ZDHHC1: variants seen among roughly 807,000 people sequenced by gnomAD.
The protein encoded by ZDHHC1 is palmitoyltransferase ZDHHC1.
ZDHHC1 carries 45 observed loss-of-function variants against 46.9 expected under a neutral mutation model. The ratio of observed to expected loss-of-function variants is 0.96; its 90% CI spans 0.76 to 1.23. The LOEUF is 1.23. ZDHHC1 is among the 50% of genes most tolerant of loss of function. The pLI is 0.00. For synonymous variants in ZDHHC1, 291 were observed against 286.0 expected (o/e 1.02, Z -0.18); for missense variants, 649 against 670.8 (o/e 0.97, Z 0.36).
At chr16:67,398,400 C>T in intron 7 of ZDHHC1, 76 bp from the exon 8 acceptor site, 1 of 1,542,486 alleles carries the variant, frequency 6.5e-7, no homozygotes, top group Non-Finnish European at 8.8e-7. Context: ...GGACAACCAG[C>T]CCCAGGCTGA....
intron 3 of ZDHHC1, chr16:67,404,800 G>C: frequency 4.5e-6 from 2 of 445,012 alleles, no homozygotes. Flanking sequence ...GCTGACGCAG[G>C]GCCTGGCACA....
In ZDHHC1 at chr16:67,398,332, G is replaced by C. The variant is rs776791471; in HGVS notation, c.815-8C>G. On this transcript the variant is annotated splice_polypyrimidine_tract_variant and splice_region_variant and intron_variant, in intron 7 of 11. Transcript: ENST00000565726. ...TGGTGAGCTTGTGCCACACTGGTGG[G>C]GGGAGGAGAGGGCTCAGTGCGGTGG... 4 of 1,611,224 alleles carry C rather than the reference G, an allele frequency of 2.5e-6. No individual in the cohort carries two copies. In the Admixed American group the frequency reaches 6.7e-5, roughly 27 times the overall value.
chr16:67,398,763 G>T, intron 6 of ZDHHC1, 32 bp from the exon 7 acceptor site: 1 of 1,611,744 alleles, frequency 6.2e-7, no homozygotes, highest in South Asian at 1.1e-5. Flanking sequence ...TGCTCAGCCG[G>T]GGACGTGACG....
chr16:67,400,743 C>T (rs1162458785), intron 4 of ZDHHC1, among the ~76,000 whole-genome samples: 2 of 152,212 alleles, frequency 1.3e-5, no homozygotes, highest in Non-Finnish European at 2.9e-5. Context: ...AATGTTTCCT[C>T]CTTTAACTGC....
intron 11 of ZDHHC1, 30 bp from the exon 12 acceptor site, chr16:67,394,923 T>G: frequency 6.4e-7 from 1 of 1,565,398 alleles, no homozygotes; most frequent in Non-Finnish European, 8.7e-7. Context: ...ATGAGCCCAG[T>G]GGCTGCGGCT....
intron 4 of ZDHHC1, 90 bp from the exon 5 acceptor site, chr16:67,399,546 G>A (rs922978734): frequency 8.4e-6 from 9 of 1,076,742 alleles, no homozygotes; most frequent in East Asian, 5.5e-5. Context: ...GGTCTGTGGA[G>A]GGACCAAGCG....
At chr16:67,405,220 T>C (rs535779639) in intron 3 of ZDHHC1, among the ~76,000 whole-genome samples, 129 of 152,328 alleles carry the variant, frequency 8.5e-4, no homozygotes, top group African/African-American at 3.0e-3. Context: ...TAAAAGAGCA[T>C]GTTCACATTT....
chr16:67,409,028 A>T (rs893231501), intron 1 of ZDHHC1, among the ~76,000 whole-genome samples: 1 of 152,126 alleles, frequency 6.6e-6, no homozygotes, highest in Non-Finnish European at 1.5e-5. Flanking sequence ...CCAAACCTGA[A>T]CAACCCTACA....
chr16:67,395,258 G>C lies in ZDHHC1; in HGVS notation c.1033C>G (p.Arg345Gly), dbSNP rs776021982. Residue 345 changes from arginine to glycine, a missense_variant, in exon 10 of 12, where the codon CGT (arginine) becomes GGT (glycine). Arg to Gly is a moderately radical substitution (Grantham distance 125). Coordinates refer to ENST00000565726, the MANE Select transcript of ZDHHC1 (RefSeq NM_001323627.2). ...GGTGGTGGAGGTTCCGCTTGGCCACGGGTGGCAAGAAACTGGGAGGGACTG... is the reference window on the plus strand; with the variant it reads ...GGTGGTGGAGGTTCCGCTTGGCCACCGGTGGCAAGAAACTGGGAGGGACTG... ...NANPSQFLAT[R>G]GQAEPPPPSS... The C allele has an allele frequency of 6.3e-7, 1 of 1,577,446 alleles. No individual in the cohort carries two copies.
Position 67,398,640 on chromosome 16 carries a change from C to T in ZDHHC1, c.747G>A (p.Leu249=). 6.2e-7 allele frequency: 1 copy of T among 1,606,220 alleles called. No individual in the cohort carries two copies. Among genetic ancestry groups the T allele is most frequent in the Non-Finnish European group, 8.5e-7 (1 of 1,177,188 alleles). The change falls in exon 7 of 12, where the codon CTG becomes CTA. Residue 249 remains leucine (L), a synonymous_variant. Coordinates refer to ENST00000565726, the MANE Select transcript of ZDHHC1 (RefSeq NM_001323627.2). ...TGGACAGGAGGCCCAGAAGGATGAG[C>T]AGGGCGGCCAGGGCCAGGATGGCAG... The part of the protein sequence containing the change: ...QAPAILALAA[L]LILLGLLSTA...
intron 6 of ZDHHC1, 30 bp downstream of exon 6, chr16:67,398,790 G>C (rs573857179): frequency 3.8e-5 from 61 of 1,612,398 alleles, no homozygotes; most frequent in Non-Finnish European, 4.8e-5. Context: ...CAGGGTTGGG[G>C]GTGAGAATAG....
chr16:67,395,789 C>T lies in ZDHHC1; in HGVS notation c.928-223G>A, dbSNP rs536869899. ...CCAGGTCCTTACCTCATCTATTCAG[C>T]CTCTGCCTCCTGCAGGAAGGCTCCC... On this transcript the variant is annotated intron_variant, in intron 8 of 11. Coordinates refer to ENST00000565726, the MANE Select transcript of ZDHHC1 (RefSeq NM_001323627.2). The T allele has an allele frequency of 1.5e-4, 87 of 565,976 alleles. 1 individual carries two copies. In the South Asian group the frequency reaches 1.7e-3, roughly 11 times the overall value. 35.1% of individuals were successfully genotyped at this position (565,976 alleles called of 1,614,324 possible). A position where few individuals can be genotyped will look rare whatever the true frequency, so the allele number is the denominator to read the frequency against.
At chr16:67,403,751 A>G (rs948608393) in intron 3 of ZDHHC1, among the ~76,000 whole-genome samples, 2 of 152,006 alleles carry the variant, frequency 1.3e-5, no homozygotes, top group South Asian at 2.1e-4. Flanking sequence ...AGTAACTGGG[A>G]TTGCAGGCGT....
rs1384330570 is a variant in ZDHHC1 at position 67,394,735 on chromosome 16, C to T, written c.1324G>A (p.Ala442Thr). 25 of 1,413,890 alleles carry T rather than the reference C, an allele frequency of 1.8e-5. No homozygotes were observed. The highest frequency in any genetic ancestry group is 2.2e-5 in the Non-Finnish European group (24 of 1,088,920). The allele number at this position is 1,413,890 out of a possible 1,614,324, so 87.6% of individuals were successfully genotyped here. A position where few individuals can be genotyped will look rare whatever the true frequency, so the allele number is the denominator to read the frequency against. Residue 442 changes from alanine to threonine, a missense_variant, in exon 12 of 12, where the codon GCC (alanine) becomes ACC (threonine). Transcript: ENST00000565726. ...TGTCGGCCCCGGCCCCGCGGGGCGG[C>T]CAGAGCGGCGCTGCCCAGGCGCGTC... is the stretch of plus-strand genomic sequence containing the variant. ...AQTRLGSAAL[A>T]APRGRGRQPT...
At chr16:67,411,344 G>A (rs944048415) in intron 1 of ZDHHC1, among the ~76,000 whole-genome samples, 2 of 152,178 alleles carry the variant, frequency 1.3e-5, no homozygotes, top group African/African-American at 4.8e-5. Context: ...GGAGGGCCCT[G>A]CACTGCCAAT....
At chr16:67,411,572 C>T (rs1257155595) in intron 1 of ZDHHC1, among the ~76,000 whole-genome samples, 3 of 152,052 alleles carry the variant, frequency 2.0e-5, no homozygotes, top group Admixed American at 2.0e-4. Flanking sequence ...GCCCTTTGAC[C>T]CAGACATTCC....
In ZDHHC1 at chr16:67,398,930, C is replaced by G. The variant is rs757155278; in HGVS notation, c.545G>C (p.Ser182Thr). The change falls in exon 6 of 12, where the codon AGT (serine) becomes ACT (threonine). Residue 182 changes from serine (S) to threonine (T), a missense_variant. Transcript: ENST00000565726. The stretch of plus-strand genomic sequence containing the variant: ...GACGCCCAGTAAAGCGGATGCAACA[C>G]TGTGTAGAAAGAGCCTGGGCCCAGC... ...GERNYRLFLH[S>T]VASALLGVLL... The G allele has an allele frequency of 2.5e-6, 4 of 1,613,018 alleles. No individual in the cohort carries two copies. The Admixed American group carries it at 5.0e-5, about 20-fold the overall frequency.
chr16:67,406,526 G>A lies in ZDHHC1; in HGVS notation c.10-84C>T, dbSNP rs1361741571. 19 of 1,428,866 alleles carry A rather than the reference G, an allele frequency of 1.3e-5. No homozygotes were observed. The highest frequency in any genetic ancestry group is 1.6e-5 in the Non-Finnish European group (17 of 1,088,236). The allele number at this position is 1,428,866 out of a possible 1,614,324, so 88.5% of individuals were successfully genotyped here. ...GGCCTGTGTCTGCAGCCAAGTTTCA[G>A]CACAGGGGGAGTAGGCTGCGACAGC... On this transcript the variant is annotated intron_variant, in intron 2 of 11. Coordinates refer to ENST00000565726, the MANE Select transcript of ZDHHC1 (RefSeq NM_001323627.2). This position sits in a 1 kb window ranked among gnomAD's most constrained non-coding sequence, Gnocchi z 4.1.
intron 5 of ZDHHC1, 58 bp from the exon 6 acceptor site, chr16:67,399,002 T>C: frequency 1.3e-6 from 2 of 1,585,522 alleles, no homozygotes; most frequent in Admixed American, 1.8e-5. Flanking sequence ...AGAAGGCCCA[T>C]AGGAGTTGGG....
Sources: allele counts gnomAD v4.1 joint callset (sites outside exome capture counted in the v4.1 genomes callset), GRCh38; gene constraint gnomAD v4.1.1; non-coding constraint Gnocchi (gnomAD v3.1); transcripts MANE v1.5; gene names NCBI Gene and HGNC (gene_info 2026-07-23, HGNC 2026-07-21).